NKAIN2: variants seen among roughly 807,000 people sequenced by gnomAD.
The protein encoded by NKAIN2 is sodium/potassium transporting ATPase interacting 2, also known as sodium/potassium-transporting ATPase subunit beta-1-interacting protein 2.
In NKAIN2, 14 loss-of-function variants were observed where a neutral mutation model predicts 32.6. The observed-to-expected ratio is 0.43, with a 90% CI of 0.28 to 0.67. The LOEUF is 0.67. Among genes scored for constraint, NKAIN2 ranks in the 30% least tolerant of loss-of-function variants. The pLI is 0.17. For missense variants in NKAIN2, 198 were observed against 258.3 expected, an observed-to-expected ratio of 0.77 and a Z score of 1.60; for synonymous variants, 80 against 87.2, an observed-to-expected ratio of 0.92 and a Z score of 0.46.
chr6:124,072,922 T>C (rs1582585353), intron 1 of NKAIN2, among the ~76,000 whole-genome samples: 1 of 152,210 alleles, frequency 6.6e-6, no homozygotes, highest in East Asian at 1.9e-4. Context: ...AATTCAAGGT[T>C]CCTTAAATGA....
At chr6:124,633,237 G>A (rs1439975299) in intron 3 of NKAIN2, among the ~76,000 whole-genome samples, 1 of 152,090 alleles carries the variant, frequency 6.6e-6, no homozygotes, top group Non-Finnish European at 1.5e-5. Context: ...GCAGTTATAT[G>A]TGCACTCTCA....
At chr6:124,751,095 G>A (rs558195978) in intron 4 of NKAIN2, among the ~76,000 whole-genome samples, 1 of 152,132 alleles carries the variant, frequency 6.6e-6, no homozygotes, top group Non-Finnish European at 1.5e-5. Context: ...TTGGCCTTAT[G>A]CAAAGTTAAA....
At chr6:124,612,279 A>T (rs886952392) in intron 3 of NKAIN2, among the ~76,000 whole-genome samples, 11 of 152,216 alleles carry the variant, frequency 7.2e-5, no homozygotes, top group Non-Finnish European at 1.3e-4. Flanking sequence ...GGGGGAAAAA[A>T]AGCAAAAACA....
Position 124,011,639 on chromosome 6 carries a change from T to A in NKAIN2, c.54+207385T>A, listed in dbSNP as rs552631967. On this transcript the variant is annotated intron_variant, in intron 1 of 6. Transcript: ENST00000368417. ...TCCAAATGCCTTCACACGTAAAATG[T>A]CATTGATTCTTATAGAACAACTTTT... Among the ~76,000 whole-genome samples the A allele has an allele frequency of 3.9e-5, 6 of 152,346 alleles. No homozygotes were observed. The East Asian group carries it at 1.2e-3, about 29-fold the overall frequency.
Position 124,726,531 on chromosome 6 carries a change from G to A in NKAIN2, c.475-64808G>A, listed in dbSNP as rs566134674. 1.1e-3 allele frequency among the ~76,000 whole-genome samples: 166 copies of A among 150,626 alleles called. 1 individual carries two copies. Among genetic ancestry groups the A allele is most frequent in the Non-Finnish European group, 1.4e-3 (96 of 67,692 alleles). On this transcript the variant is annotated intron_variant, in intron 4 of 6. Coordinates refer to ENST00000368417, the MANE Select transcript of NKAIN2 (RefSeq NM_001040214.3). ...AGAAGGAAAACTAACAAACAGAAAG[G>A]ACATCCACACCAAAAACCCATCTGT...
chr6:124,170,493 A>G (rs146895540), intron 1 of NKAIN2, among the ~76,000 whole-genome samples: 17 of 152,326 alleles, frequency 1.1e-4, no homozygotes, highest in Middle Eastern at 3.4e-3. Flanking sequence ...GTCAAGACAA[A>G]ATCATTAAAT....
intron 3 of NKAIN2, among the ~76,000 whole-genome samples, chr6:124,544,703 T>C (rs552427948): frequency 6.6e-6 from 1 of 152,072 alleles, no homozygotes; most frequent in Non-Finnish European, 1.5e-5. Context: ...ATACAATGAG[T>C]TCTGTCTGTT....
chr6:123,902,381 A>T (rs903213649), intron 1 of NKAIN2, among the ~76,000 whole-genome samples: 2 of 152,156 alleles, frequency 1.3e-5, no homozygotes, highest in African/African-American at 2.4e-5. Context: ...GGCTAAAAAA[A>T]GTTTCATTTT....
At chr6:124,321,488 T>C (rs1176069443) in intron 2 of NKAIN2, among the ~76,000 whole-genome samples, 1 of 152,184 alleles carries the variant, frequency 6.6e-6, no homozygotes, top group East Asian at 1.9e-4. Flanking sequence ...AAAAGAGTTT[T>C]GCTAAGTCAT....
intron 3 of NKAIN2, among the ~76,000 whole-genome samples, chr6:124,423,117 G>A (rs528301688): frequency 6.6e-6 from 1 of 152,298 alleles, no homozygotes; most frequent in African/African-American, 2.4e-5. Context: ...ATGCACACCT[G>A]TGCTCTTTCC....
chr6:124,261,540 T>A (rs1231745720), intron 1 of NKAIN2, among the ~76,000 whole-genome samples: 2 of 152,150 alleles, frequency 1.3e-5, no homozygotes, highest in Admixed American at 6.5e-5. Flanking sequence ...ATGGAAAACA[T>A]TCTACCACAT....
At chr6:124,580,964 G>A (rs1781496486) in intron 3 of NKAIN2, among the ~76,000 whole-genome samples, 1 of 151,954 alleles carries the variant, frequency 6.6e-6, no homozygotes, top group Non-Finnish European at 1.5e-5. Flanking sequence ...AATGATAAAG[G>A]AGCCAATTCA....
chr6:124,606,490 C>T (rs1341096890), intron 3 of NKAIN2, among the ~76,000 whole-genome samples: 1 of 151,934 alleles, frequency 6.6e-6, no homozygotes, highest in Admixed American at 6.6e-5. Flanking sequence ...AGGAGTTTTG[C>T]TTTGAAGTAT....
intron 4 of NKAIN2, among the ~76,000 whole-genome samples, chr6:124,727,618 G>C (rs918052804): frequency 3.3e-5 from 5 of 151,474 alleles, no homozygotes; most frequent in Admixed American, 6.6e-5. Context: ...AAAATGTAAA[G>C]ACCATTGAGA....
intron 1 of NKAIN2, among the ~76,000 whole-genome samples, chr6:123,948,596 GATTTTT>G (rs1777179854): frequency 2.1e-5 from 2 of 93,272 alleles, no homozygotes; most frequent in African/African-American, 8.5e-5. Flanking sequence ...TCTTAAATGG[GATTTTT>G]TTTTTTTTTT....
chr6:123,929,534 A>G (rs1283110573), intron 1 of NKAIN2, among the ~76,000 whole-genome samples: 2 of 152,154 alleles, frequency 1.3e-5, no homozygotes, highest in Non-Finnish European at 2.9e-5. Context: ...AACTTTTTGC[A>G]TGTTCATGCT....
In NKAIN2 at chr6:124,646,711, G is replaced by A. The variant is rs111657354; in HGVS notation, c.274-11475G>A. 4.0e-3 allele frequency among the ~76,000 whole-genome samples: 612 copies of A among 152,232 alleles called. 1 individual carries two copies. The highest frequency in any genetic ancestry group is 0.014 in the African/African-American group (593 of 41,546). Reference sequence around the variant, plus strand: ...CACACCTGTAATCCCAGCAGTTTGGGAAGCCGAGGCGAGTAGATCACTTGA... The same window carrying A: ...CACACCTGTAATCCCAGCAGTTTGGAAAGCCGAGGCGAGTAGATCACTTGA... On this transcript the variant is annotated intron_variant, in intron 3 of 6. Transcript: ENST00000368417.
At position 123,839,679 on chromosome 6, in the gene NKAIN2, A is replaced by T. The variant is rs564078811; in HGVS notation, c.54+35425A>T. ...AGCAAAATTGAGGTTAGCTAGTAGC[A>T]TACTGTTAGTCATTAATTCTGCTTT... On this transcript the variant is annotated intron_variant, in intron 1 of 6. Transcript: ENST00000368417. 8.5e-5 allele frequency among the ~76,000 whole-genome samples: 13 copies of T among 152,296 alleles called. No individual in the cohort carries two copies. The East Asian group carries it at 2.3e-3, about 27-fold the overall frequency.
rs141245335 is a variant in NKAIN2 at position 124,676,018 on chromosome 6, G to A, written c.474+17632G>A. Among the ~76,000 whole-genome samples, 67 of 151,938 alleles carry A rather than the reference G, an allele frequency of 4.4e-4. No homozygotes were observed. In the East Asian group the frequency reaches 9.5e-3, roughly 21 times the overall value. ...AGCTGCATCTCATAAGTGTTGATAC[G>A]TTTTGTTTTTATTTTTGTTTCTCAA... On this transcript the variant is annotated intron_variant, in intron 4 of 6. Coordinates refer to ENST00000368417, the MANE Select transcript of NKAIN2 (RefSeq NM_001040214.3).
Sources: gnomAD v4.1 joint callset for allele counts (sites outside exome capture counted in the v4.1 genomes callset) on GRCh38, gnomAD v4.1.1 for gene constraint, MANE v1.5 for transcripts, NCBI Gene and HGNC (gene_info 2026-07-23, HGNC 2026-07-21) for gene names.